The following PPP1R16B variants were observed in gnomAD, a reference collection of about 807,000 sequenced individuals.
The protein encoded by PPP1R16B is protein phosphatase 1 regulatory subunit 16B.
In PPP1R16B, 14 loss-of-function variants were observed where a neutral mutation model predicts 61.7. That is an observed-to-expected ratio of 0.23 (90% confidence interval 0.15 to 0.35). The LOEUF is 0.35. Among genes scored for constraint, PPP1R16B ranks in the 10% least tolerant of loss-of-function variants. The pLI, the probability that PPP1R16B is intolerant of heterozygous loss-of-function variation, is 1.00. For synonymous variants in PPP1R16B, 266 were observed against 305.3 expected, an observed-to-expected ratio of 0.87 and a Z score of 1.34; for missense variants, 547 against 752.5, an observed-to-expected ratio of 0.73 and a Z score of 3.19.
intron 1 of PPP1R16B, among the ~76,000 whole-genome samples, chr20:38,825,944 C>G (rs754303473): frequency 1.6e-4 from 25 of 152,238 alleles, no homozygotes; most frequent in Non-Finnish European, 2.2e-4. Flanking sequence ...CCTGTTATCA[C>G]ACATGGCTTC....
chr20:38,892,097 T>C (rs565598168), intron 3 of PPP1R16B, among the ~76,000 whole-genome samples: 4 of 152,170 alleles, frequency 2.6e-5, no homozygotes, highest in Non-Finnish European at 5.9e-5. Flanking sequence ...AGTGATTGAG[T>C]GTTTAAGTCA....
intron 2 of PPP1R16B, chr20:38,872,686 G>A (rs2085138718): frequency 6.6e-6 from 1 of 152,450 alleles, no homozygotes; most frequent in African/African-American, 2.4e-5. Flanking sequence ...CACGAACCCT[G>A]TGAAGGCAGA....
intron 1 of PPP1R16B, among the ~76,000 whole-genome samples, chr20:38,816,742 C>T (rs372065324): frequency 1.8e-4 from 28 of 152,318 alleles, no homozygotes; most frequent in African/African-American, 6.3e-4. Flanking sequence ...AACAAATCCC[C>T]TCAGCAGCGA....
intron 10 of PPP1R16B, 31 bp downstream of exon 10, chr20:38,908,224 A>G (rs752323046): frequency 6.2e-7 from 1 of 1,612,426 alleles, no homozygotes; most frequent in East Asian, 2.2e-5. Flanking sequence ...CCCTAGTGTC[A>G]GCCACTGCAA....
rs2085570325 is a variant in PPP1R16B at position 38,919,144 on chromosome 20, C to T, written c.*478C>T. On this transcript the variant is annotated 3_prime_UTR_variant, in exon 11 of 11. Coordinates refer to ENST00000299824, the MANE Select transcript of PPP1R16B (RefSeq NM_015568.4). ...GGATGGAAGTTAAGACTCAGAGTCT[C>T]ATTACCACTGCCAATGTGGTTTTAG... 2 of 153,486 alleles carry T rather than the reference C, an allele frequency of 1.3e-5. No individual in the cohort carries two copies. Among genetic ancestry groups the T allele is most frequent in the Admixed American group, 6.5e-5 (1 of 15,310 alleles). The allele number at this position is 153,486 out of a possible 1,614,324, so 9.5% of individuals were successfully genotyped here. A position where few individuals can be genotyped will look rare whatever the true frequency, so the allele number is the denominator to read the frequency against.
intron 1 of PPP1R16B, among the ~76,000 whole-genome samples, chr20:38,824,254 T>G (rs1371851877): frequency 1.3e-5 from 2 of 152,246 alleles, no homozygotes; most frequent in Admixed American, 1.3e-4. Flanking sequence ...ATCTAGTTTA[T>G]AGGTTCTGCA....
intron 1 of PPP1R16B, among the ~76,000 whole-genome samples, chr20:38,824,916 C>A (rs1004110712): frequency 2.6e-5 from 4 of 152,176 alleles, no homozygotes; most frequent in Non-Finnish European, 4.4e-5. Context: ...ATCACTTGAA[C>A]CCAGGAGGCA....
rs1426441042 is a variant in PPP1R16B at position 38,863,729 on chromosome 20, GT to G, written c.251-25865del. Among the ~76,000 whole-genome samples the G allele has an allele frequency of 1.1e-4, 17 of 152,328 alleles. No individual in the cohort carries two copies. In the South Asian group the frequency reaches 2.1e-3, roughly 19 times the overall value. On this transcript the variant is annotated intron_variant, in intron 2 of 10. Transcript: ENST00000299824. ...TAGAACAGTGACTGGTATATAGTAGGTGCTCAATAGAGGTTAATTCCCATCT... is the reference window on the plus strand; with the variant it reads ...TAGAACAGTGACTGGTATATAGTAGGGCTCAATAGAGGTTAATTCCCATCT...
chr20:38,878,934 A>G (rs1368238065), intron 2 of PPP1R16B, among the ~76,000 whole-genome samples: 2 of 152,210 alleles, frequency 1.3e-5, no homozygotes, highest in East Asian at 3.8e-4. Context: ...AGAGCGAGTC[A>G]GAAAGAGGCA....
intron 3 of PPP1R16B, among the ~76,000 whole-genome samples, chr20:38,893,772 T>C (rs1219833486): frequency 6.6e-6 from 1 of 151,968 alleles, no homozygotes; most frequent in East Asian, 1.9e-4. Flanking sequence ...CCCCTGGACA[T>C]CTATCTCACA....
At chr20:38,828,141 C>G (rs953233928) in intron 1 of PPP1R16B, among the ~76,000 whole-genome samples, 1 of 152,166 alleles carries the variant, frequency 6.6e-6, no homozygotes, top group Non-Finnish European at 1.5e-5. Context: ...TTGTTTTTCT[C>G]GAGGCACTAG....
In PPP1R16B at chr20:38,918,739, T is replaced by C. The variant is rs2085565560; in HGVS notation, c.*73T>C. 18 of 1,438,436 alleles carry C rather than the reference T, an allele frequency of 1.3e-5. No homozygotes were observed. The highest frequency in any genetic ancestry group is 1.5e-5 in the Non-Finnish European group (16 of 1,092,350). The allele number at this position is 1,438,436 out of a possible 1,614,324, so 89.1% of individuals were successfully genotyped here. A position where few individuals can be genotyped will look rare whatever the true frequency, so the allele number is the denominator to read the frequency against. On this transcript the variant is annotated 3_prime_UTR_variant, in exon 11 of 11. Transcript: ENST00000299824. This position sits in a 1 kb window ranked among gnomAD's most constrained non-coding sequence, Gnocchi z 5.3. Reference sequence around the variant, plus strand: ...TCCAGGCCAGCCCAACAGCCCTGGCTGGGGAGGTGTCAGGGCAGCTGGGGA... The same window carrying C: ...TCCAGGCCAGCCCAACAGCCCTGGCCGGGGAGGTGTCAGGGCAGCTGGGGA...
chr20:38,811,744 G>T (rs747668086), intron 1 of PPP1R16B, among the ~76,000 whole-genome samples: 3 of 152,176 alleles, frequency 2.0e-5, no homozygotes, highest in East Asian at 3.8e-4. Context: ...GGGGGATAGT[G>T]GGGGAGAGGA....
chr20:38,853,567 G>T (rs1189487391), intron 2 of PPP1R16B, among the ~76,000 whole-genome samples: 1 of 152,180 alleles, frequency 6.6e-6, no homozygotes, highest in East Asian at 1.9e-4. Context: ...AGTAGTAACG[G>T]CAGTCCTCCA....
chr20:38,836,213 T>C (rs1363933408), intron 2 of PPP1R16B, 38 bp downstream of exon 2: 8 of 1,582,930 alleles, frequency 5.1e-6, no homozygotes, highest in Non-Finnish European at 6.0e-6. Flanking sequence ...CGCAGCTGCC[T>C]TGGCCTCTGA....
In PPP1R16B at chr20:38,921,145, C is replaced by T. The variant is rs926791215; in HGVS notation, c.*2479C>T. ...CAGCTGATTCCCTGACAGGAGCCGACTTCACACACAGGTGACTCTCAGGCA... is the reference window on the plus strand; with the variant it reads ...CAGCTGATTCCCTGACAGGAGCCGATTTCACACACAGGTGACTCTCAGGCA... On this transcript the variant is annotated 3_prime_UTR_variant, in exon 11 of 11. Coordinates refer to ENST00000299824, the MANE Select transcript of PPP1R16B (RefSeq NM_015568.4). 6.3e-4 allele frequency: 96 copies of T among 152,356 alleles called. 1 individual carries two copies. Among genetic ancestry groups the T allele is most frequent in the African/African-American group, 2.2e-3 (92 of 41,584 alleles). 9.4% of individuals were successfully genotyped at this position (152,356 alleles called of 1,614,324 possible).
At chr20:38,855,935 TATATATATAGAGAG>T (rs1391159607) in intron 2 of PPP1R16B, among the ~76,000 whole-genome samples, 5 of 43,944 alleles carry the variant, frequency 1.1e-4, no homozygotes, top group African/African-American at 2.6e-4. Context: ...TATATATATA[TATATATATAGAGAG>T]AGAGAGAGAG....
At chr20:38,878,295 T>C (rs755483964) in intron 2 of PPP1R16B, among the ~76,000 whole-genome samples, 1 of 152,164 alleles carries the variant, frequency 6.6e-6, no homozygotes, top group South Asian at 2.1e-4. Flanking sequence ...GTAGCATCTT[T>C]AGGAAAGACC....
At chr20:38,807,349 G>A (rs74823004) in intron 1 of PPP1R16B, among the ~76,000 whole-genome samples, 4,012 of 152,344 alleles carry the variant, frequency 0.026, 94 homozygotes, top group Admixed American at 0.073. Flanking sequence ...AGGCTGTGGG[G>A]AGATGAGGGA....
Sources: gnomAD v4.1 joint callset for allele counts (sites outside exome capture counted in the v4.1 genomes callset) on GRCh38, gnomAD v4.1.1 for gene constraint, Gnocchi (gnomAD v3.1) non-coding constraint, MANE v1.5 for transcripts, NCBI Gene and HGNC (gene_info 2026-07-23, HGNC 2026-07-21) for gene names.